COG5: variants seen among roughly 807,000 people sequenced by gnomAD.
The protein encoded by COG5 is conserved oligomeric Golgi complex subunit 5.
A neutral mutation model predicts 110.4 loss-of-function variants in COG5; 86 were observed. The observed-to-expected ratio is 0.78, with a 90% CI of 0.65 to 0.93. The LOEUF (loss-of-function observed/expected upper bound fraction) is 0.93. COG5 is among the 40% of genes least tolerant of loss of function. The probability of loss-of-function intolerance (pLI) is 0.00; values close to 1 mark genes in which losing one functional copy is unlikely to be tolerated. For missense variants in COG5, 1,077 were observed against 987.0 expected (o/e 1.09, Z -1.22); for synonymous variants, 360 against 334.6 (o/e 1.08, Z -0.83).
chr7:107,441,318 A>T (rs868691373), intron 6 of COG5, among the ~76,000 whole-genome samples: 14 of 151,376 alleles, frequency 9.2e-5, no homozygotes, highest in African/African-American at 3.4e-4. Flanking sequence ...GAAACCCCTT[A>T]ATCTACAGCA....
Position 107,548,178 on chromosome 7 carries a change from A to C in COG5, c.350T>G (p.Ile117Arg). The change falls in exon 5 of 22, where the codon ATA becomes AGA. Residue 117 changes from isoleucine (I) to arginine (R), a missense_variant and splice_region_variant. Coordinates refer to ENST00000297135, the MANE Select transcript of COG5 (RefSeq NM_006348.5). The part of the protein sequence containing the change: ...IGALQGAVDR[I>R]KAKIVEPYNK... ...GTATGGTTCAACAATTTTTGCTTTT[A>C]TCCTACAGGAAAAGAGAGGAGTGAG... 1.2e-6 allele frequency: 2 copies of C among 1,613,682 alleles called. No individual in the cohort carries two copies. Among genetic ancestry groups the C allele is most frequent in the South Asian group, 2.2e-5 (2 of 91,072 alleles).
rs571090304 is a variant in COG5 at position 107,351,329 on chromosome 7, C to A, written c.1026+10704G>T. ...TAATTCAAGATGGATTAAAGACTTA[C>A]ATGTTAGACCTAAAACCATAAAAAC... On this transcript the variant is annotated intron_variant, in intron 10 of 21. Coordinates refer to ENST00000297135, the MANE Select transcript of COG5 (RefSeq NM_006348.5). Among the ~76,000 whole-genome samples, 12 of 152,274 alleles carry A rather than the reference C, an allele frequency of 7.9e-5. No individual in the cohort carries two copies. In the South Asian group the frequency reaches 1.0e-3, roughly 13 times the overall value.
At chr7:107,460,336 G>A (rs182914605) in intron 6 of COG5, among the ~76,000 whole-genome samples, 82 of 152,060 alleles carry the variant, frequency 5.4e-4, no homozygotes, top group Middle Eastern at 6.8e-3. Context: ...CCAGGAGGTC[G>A]AGGCTACAGT....
intron 6 of COG5, among the ~76,000 whole-genome samples, chr7:107,513,077 C>G (rs542643309): frequency 2.0e-5 from 3 of 151,670 alleles, no homozygotes; most frequent in Non-Finnish European, 4.4e-5. Context: ...AGCTTCTACA[C>G]AGCAAAAGAA....
chr7:107,489,656 C>A, intron 6 of COG5, among the ~76,000 whole-genome samples: 1 of 152,154 alleles, frequency 6.6e-6, no homozygotes, highest in East Asian at 1.9e-4. Flanking sequence ...ATACTTACTT[C>A]AGAATGCACG....
chr7:107,443,188 A>T (rs4727677), intron 6 of COG5, among the ~76,000 whole-genome samples: 62,009 of 151,842 alleles, frequency 0.41, 13,132 homozygotes, highest in Non-Finnish European at 0.47. Context: ...AAGAATGAAG[A>T]ACTGACACAT....
At chr7:107,356,602 T>TA (rs974342600) in intron 10 of COG5, among the ~76,000 whole-genome samples, 2 of 151,400 alleles carry the variant, frequency 1.3e-5, no homozygotes, top group African/African-American at 2.4e-5. Context: ...AGCTTTTGAA[T>TA]AAAAAAAAGA....
intron 19 of COG5, among the ~76,000 whole-genome samples, chr7:107,216,653 T>C (rs1444863600): frequency 6.6e-6 from 1 of 151,776 alleles, no homozygotes; most frequent in African/African-American, 2.4e-5. Flanking sequence ...CAACAACCAA[T>C]GGGTCAAAGG....
At chr7:107,258,849 G>A (rs996810616) in intron 14 of COG5, among the ~76,000 whole-genome samples, 3 of 151,992 alleles carry the variant, frequency 2.0e-5, no homozygotes, top group African/African-American at 7.3e-5. Context: ...GGGAAGGAGG[G>A]GGAAAGGGGA....
chr7:107,241,539 G>A (rs562098351), intron 17 of COG5, among the ~76,000 whole-genome samples: 5 of 151,506 alleles, frequency 3.3e-5, no homozygotes, highest in East Asian at 1.9e-4. Context: ...TGCAAGCTCC[G>A]CCTCCGGGGT....
Position 107,239,257 on chromosome 7 carries a change from C to T in COG5, c.1854-2570G>A, listed in dbSNP as rs1432429808. On this transcript the variant is annotated intron_variant, in intron 17 of 21. Transcript: ENST00000297135. The stretch of plus-strand genomic sequence containing the variant: ...CATTGAGTGTTCCTGGCACCTCTGT[C>T]GAAAATCAATTGACTATAAATGTGT... Among the ~76,000 whole-genome samples the T allele has an allele frequency of 5.9e-5, 9 of 152,120 alleles. No homozygotes were observed. In the East Asian group the frequency reaches 1.3e-3, roughly 23 times the overall value.
chr7:107,235,805 C>T (rs962355345), intron 18 of COG5, among the ~76,000 whole-genome samples: 1 of 152,160 alleles, frequency 6.6e-6, no homozygotes, highest in Non-Finnish European at 1.5e-5. Flanking sequence ...TCTTCATTGC[C>T]TACTGAAAGG....
chr7:107,221,178 T>C (rs1233131426), intron 19 of COG5, among the ~76,000 whole-genome samples: 1 of 151,972 alleles, frequency 6.6e-6, no homozygotes, highest in Non-Finnish European at 1.5e-5. Flanking sequence ...ATTGGTCCTG[T>C]GAGTTTTCCC....
At chr7:107,500,934 A>C (rs1447402040) in intron 6 of COG5, among the ~76,000 whole-genome samples, 1 of 152,136 alleles carries the variant, frequency 6.6e-6, no homozygotes, top group Non-Finnish European at 1.5e-5. Context: ...TTTACATTCA[A>C]CCATTCTAAC....
intron 6 of COG5, among the ~76,000 whole-genome samples, chr7:107,501,779 C>A (rs1010771844): frequency 1.3e-5 from 2 of 152,078 alleles, no homozygotes; most frequent in African/African-American, 4.8e-5. Flanking sequence ...CACAACATCA[C>A]CCCCATCTGG....
intron 7 of COG5, among the ~76,000 whole-genome samples, chr7:107,384,867 A>G (rs1815441170): frequency 6.6e-6 from 1 of 152,176 alleles, no homozygotes. Context: ...TGTTTAAACC[A>G]TCCAGTCTAT....
chr7:107,257,335 T>C (rs1360053473), intron 15 of COG5, among the ~76,000 whole-genome samples: 1 of 152,124 alleles, frequency 6.6e-6, no homozygotes, highest in African/African-American at 2.4e-5. Flanking sequence ...TAGTGTTTTT[T>C]AATAATTTTT....
intron 6 of COG5, among the ~76,000 whole-genome samples, chr7:107,423,392 A>G (rs1032412574): frequency 6.6e-6 from 1 of 152,218 alleles, no homozygotes; most frequent in African/African-American, 2.4e-5. Flanking sequence ...CAAAACGACC[A>G]GAGCTCATAC....
chr7:107,343,512 CTCTATAAA>C (rs1199041802), intron 10 of COG5, among the ~76,000 whole-genome samples: 1 of 152,004 alleles, frequency 6.6e-6, no homozygotes, highest in Non-Finnish European at 1.5e-5. Context: ...AAAACCCTAT[CTCTATAAA>C]AAATACAAAA....
Sources: allele counts gnomAD v4.1 joint callset (sites outside exome capture counted in the v4.1 genomes callset), GRCh38; gene constraint gnomAD v4.1.1; transcripts MANE v1.5; gene names NCBI Gene and HGNC (gene_info 2026-07-23, HGNC 2026-07-21).